The following VPS13A variants were observed in gnomAD, a reference collection of about 807,000 sequenced individuals.
VPS13A encodes intermembrane lipid transfer protein VPS13A.
A neutral mutation model predicts 390.9 loss-of-function variants in VPS13A; 264 were observed. That is an observed-to-expected ratio of 0.68 (90% CI 0.61 to 0.75). The LOEUF is 0.75. Ranked by LOEUF, VPS13A falls within the 30% of genes least tolerant of loss-of-function variation. The pLI is 0.00. For synonymous variants in VPS13A, 1,231 were observed against 1,227.1 expected, an observed-to-expected ratio of 1.00 and a Z score of -0.07; for missense variants, 3,409 against 3,733.9, an observed-to-expected ratio of 0.91 and a Z score of 2.27.
At chr9:77,321,420 G>A (rs1829740119) in intron 43 of VPS13A, 71 bp from the exon 44 acceptor site, 1 of 1,590,516 alleles carries the variant, frequency 6.3e-7, no homozygotes, top group Admixed American at 1.7e-5. Context: ...GTTGTCATTT[G>A]TCCTTTACTG....
In VPS13A at chr9:77,340,297, T is replaced by G; in HGVS notation, c.6879+15T>G. 4 of 1,609,144 alleles carry G rather than the reference T, an allele frequency of 2.5e-6. No individual in the cohort carries two copies. Among genetic ancestry groups the G allele is most frequent in the Non-Finnish European group, 3.4e-6 (4 of 1,176,410 alleles). On this transcript the variant is annotated intron_variant, in intron 49 of 71. Transcript: ENST00000360280. ...TGGACTATCAAGTGAGTTCATTCTA[T>G]GCTTATCAAGAAACTTTTATTTTAA...
chr9:77,222,814 A>G (rs1050356148), intron 13 of VPS13A, among the ~76,000 whole-genome samples: 18 of 152,180 alleles, frequency 1.2e-4, no homozygotes, highest in African/African-American at 3.9e-4. Flanking sequence ...GCCTCCTTAC[A>G]TATTTTAAGT....
intron 35 of VPS13A, 60 bp downstream of exon 35, chr9:77,308,158 T>G: frequency 6.4e-7 from 1 of 1,560,020 alleles, no homozygotes; most frequent in East Asian, 2.3e-5. Context: ...TTCTTCTATC[T>G]TCTTCCCTCC....
In VPS13A at chr9:77,260,140, A is replaced by G; in HGVS notation, c.2343A>G (p.Lys781=). 1.3e-6 allele frequency: 2 copies of G among 1,594,388 alleles called. No individual in the cohort carries two copies. Among genetic ancestry groups the G allele is most frequent in the Non-Finnish European group, 1.7e-6 (2 of 1,163,032 alleles). The change falls in exon 23 of 72, where the codon AAA becomes AAG. Residue 781 remains lysine, a synonymous_variant. Transcript: ENST00000360280. ...PLISLRISDK[K]LQGIMELIES... ...TTTCTTTACGAATCTCAGATAAAAA[A>G]CTACAAGGGATTATGGAATTGATTG...
At chr9:77,238,687 C>T (rs555408959) in intron 19 of VPS13A, among the ~76,000 whole-genome samples, 6 of 152,214 alleles carry the variant, frequency 3.9e-5, no homozygotes, top group Non-Finnish European at 5.9e-5. Context: ...TCTTAGAATG[C>T]GTTCCAGATT....
intron 34 of VPS13A, among the ~76,000 whole-genome samples, chr9:77,307,029 C>T (rs1822390031): frequency 6.6e-6 from 1 of 151,782 alleles, no homozygotes; most frequent in South Asian, 2.1e-4. Context: ...GCTTCAGCCA[C>T]CTGAGTAGCT....
chr9:77,177,642 TG>T lies in VPS13A; in HGVS notation c.-59del. Reference sequence around the variant, plus strand: ...ACCGAATTACCTCGAGGGAGGGGCGTGGGGAAGGCGGCGGGAGGAGGAGCGC... The same window carrying T: ...ACCGAATTACCTCGAGGGAGGGGCGTGGGAAGGCGGCGGGAGGAGGAGCGC... On this transcript the variant is annotated 5_prime_UTR_variant, in exon 1 of 72. Transcript: ENST00000360280. The T allele has an allele frequency of 6.8e-7, 1 of 1,474,868 alleles. No homozygotes were observed. Among genetic ancestry groups the T allele is most frequent in the Non-Finnish European group, 9.4e-7 (1 of 1,063,002 alleles). The allele number at this position is 1,474,868 out of a possible 1,614,324, so 91.4% of individuals were successfully genotyped here.
chr9:77,320,588 C>T (rs1021720770), intron 42 of VPS13A, among the ~76,000 whole-genome samples: 2 of 152,042 alleles, frequency 1.3e-5, no homozygotes, highest in Non-Finnish European at 2.9e-5. Context: ...GCATGTTGAG[C>T]TCTTTTCATA....
At chr9:77,270,582 T>A (rs1388346020) in intron 23 of VPS13A, among the ~76,000 whole-genome samples, 1 of 152,078 alleles carries the variant, frequency 6.6e-6, no homozygotes, top group Non-Finnish European at 1.5e-5. Flanking sequence ...TCCCAGCTAC[T>A]CAGAAGGCTG....
At chr9:77,306,870 G>A (rs1828780644) in intron 34 of VPS13A, among the ~76,000 whole-genome samples, 1 of 151,654 alleles carries the variant, frequency 6.6e-6, no homozygotes. Flanking sequence ...GTTGATTTGG[G>A]ACTAAATTTG....
chr9:77,311,686 C>T (rs543766066), intron 35 of VPS13A, among the ~76,000 whole-genome samples: 2 of 151,958 alleles, frequency 1.3e-5, no homozygotes, highest in Non-Finnish European at 2.9e-5. Flanking sequence ...ACAAAAAAAT[C>T]GGAAAGAATA....
In VPS13A at chr9:77,187,713, GCTAA is replaced by G. The variant is rs574233032; in HGVS notation, c.100+9912_100+9915del. On this transcript the variant is annotated intron_variant, in intron 1 of 71. Transcript: ENST00000360280. ...TTACCTTTTCTTCCTTTTTTTCCCTGCTAACTTTTATTTTAGGTTCATGGGGTAC... is the reference window on the plus strand; with the variant it reads ...TTACCTTTTCTTCCTTTTTTTCCCTGCTTTTATTTTAGGTTCATGGGGTAC... Among the ~76,000 whole-genome samples, 397 of 151,426 alleles carry G rather than the reference GCTAA, an allele frequency of 2.6e-3. 1 individual carries two copies. The highest frequency in any genetic ancestry group is 9.0e-3 in the African/African-American group (371 of 41,236).
chr9:77,321,290 C>A lies in VPS13A; in HGVS notation c.5537C>A (p.Ser1846Tyr). 1 of 1,609,048 alleles carries A rather than the reference C, an allele frequency of 6.2e-7. No homozygotes were observed. Among genetic ancestry groups the A allele is most frequent in the Non-Finnish European group, 8.5e-7 (1 of 1,176,734 alleles). The change falls in exon 43 of 72, where the codon TCC becomes TAC. Residue 1846 changes from serine to tyrosine, a missense_variant. Around this residue, in one of 5 missense-constraint regions of VPS13A, gnomAD observed 2,717 missense variants for 2,917.4 expected, o/e 0.93. Transcript: ENST00000360280. ...AAAGACCAATTAAACATTACATTAT[C>A]CAAATGTGGTCTTGTAATGTTAAAC... The part of the protein sequence containing the change: ...HSKDQLNITL[S>Y]KCGLVMLNNL...
At chr9:77,313,028 C>G (rs995696011) in intron 35 of VPS13A, among the ~76,000 whole-genome samples, 3 of 152,088 alleles carry the variant, frequency 2.0e-5, no homozygotes, top group Non-Finnish European at 4.4e-5. Flanking sequence ...CTGGAAACAA[C>G]TCAAATGTTC....
Position 77,293,415 on chromosome 9 carries a change from A to C in VPS13A, c.3414A>C (p.Ala1138=). Residue 1138 remains alanine (A), a synonymous_variant, in exon 32 of 72, where the codon GCA becomes GCC. Coordinates refer to ENST00000360280, the MANE Select transcript of VPS13A (RefSeq NM_033305.3). ...VSYMDATAGS[A]YTDMNVVDIQ... The stretch of plus-strand genomic sequence containing the variant: ...ACATGGATGCAACTGCTGGTTCTGC[A>C]TACACAGATATGAATGTGGTTGACA... The C allele has an allele frequency of 6.2e-7, 1 of 1,612,866 alleles. No homozygotes were observed. Among genetic ancestry groups the C allele is most frequent in the Non-Finnish European group, 8.5e-7 (1 of 1,179,474 alleles).
At chr9:77,391,298 A>G (rs556451105) in intron 68 of VPS13A, among the ~76,000 whole-genome samples, 1 of 152,324 alleles carries the variant, frequency 6.6e-6, no homozygotes, top group African/African-American at 2.4e-5. Context: ...TAACAATAAC[A>G]TTGTTAGAAA....
chr9:77,359,190 T>C (rs1831990836), intron 57 of VPS13A, 143 bp from the exon 58 acceptor site: 3 of 694,164 alleles, frequency 4.3e-6, no homozygotes, highest in African/African-American at 1.8e-5. Context: ...AAGATTGTAG[T>C]AGATTTTGCC....
At chr9:77,282,627 A>T (rs1460728497) in intron 29 of VPS13A, among the ~76,000 whole-genome samples, 3 of 152,144 alleles carry the variant, frequency 2.0e-5, no homozygotes, top group Non-Finnish European at 4.4e-5. Context: ...GACAAATATG[A>T]CTAACAAAAT....
intron 31 of VPS13A, among the ~76,000 whole-genome samples, chr9:77,291,187 G>A (rs900020930): frequency 1.3e-5 from 2 of 152,262 alleles, no homozygotes; most frequent in South Asian, 4.1e-4. Context: ...ATAGTAGGGT[G>A]AACCCTATTG....
Sources: gnomAD v4.1 joint callset for allele counts (sites outside exome capture counted in the v4.1 genomes callset) on GRCh38, gnomAD v4.1.1 for gene constraint, gnomAD v4.1.1 regional missense constraint, MANE v1.5 for transcripts, NCBI Gene and HGNC (gene_info 2026-07-23, HGNC 2026-07-21) for gene names.